The following PDE4D variants were observed in gnomAD, a reference collection of about 807,000 sequenced individuals.
PDE4D encodes the protein phosphodiesterase 4D, also known as 3',5'-cyclic-AMP phosphodiesterase 4D.
PDE4D carries 24 observed loss-of-function variants against 87.4 expected under a neutral mutation model. That is an observed-to-expected ratio of 0.27 (90% CI 0.20 to 0.39). PDE4D has a LOEUF of 0.39. Ranked by LOEUF, PDE4D falls within the 10% of genes least tolerant of loss-of-function variation. The probability of loss-of-function intolerance (pLI) is 1.00; values close to 1 mark genes in which losing one functional copy is unlikely to be tolerated. For missense variants in PDE4D, 714 were observed against 1,041.0 expected, an observed-to-expected ratio of 0.69 and a Z score of 4.32; for synonymous variants, 384 against 383.2, an observed-to-expected ratio of 1.00 and a Z score of -0.02.
At chr5:60,231,619 C>G (rs192236813) in intron 1 of PDE4D, among the ~76,000 whole-genome samples, 155 of 151,984 alleles carry the variant, frequency 1.0e-3, no homozygotes, top group African/African-American at 3.6e-3. Flanking sequence ...ACGGGAACAT[C>G]TCAAAGAGAC....
At chr5:59,471,509 A>G (rs1802440006) in intron 1 of PDE4D, among the ~76,000 whole-genome samples, 1 of 152,254 alleles carries the variant, frequency 6.6e-6, no homozygotes, top group Non-Finnish European at 1.5e-5. Context: ...AAAATGGGGT[A>G]AAGATAAACT....
intron 1 of PDE4D, among the ~76,000 whole-genome samples, chr5:60,503,296 A>G (rs1750179675): frequency 6.6e-6 from 1 of 152,180 alleles, no homozygotes. Context: ...AATATCCTAG[A>G]GTATTCTGTC....
intron 1 of PDE4D, among the ~76,000 whole-genome samples, chr5:59,233,670 C>G (rs1271383768): frequency 6.6e-6 from 1 of 152,148 alleles, no homozygotes; most frequent in Non-Finnish European, 1.5e-5. Flanking sequence ...GTATAGCACT[C>G]TCCTCAAATT....
At chr5:60,278,379 G>A (rs1283822408) in intron 1 of PDE4D, among the ~76,000 whole-genome samples, 1 of 152,058 alleles carries the variant, frequency 6.6e-6, no homozygotes, top group African/African-American at 2.4e-5. Flanking sequence ...ATTATGAAAT[G>A]GTATGAATTT....
chr5:59,774,689 C>CTTTTTTTTT (rs71604800), intron 1 of PDE4D, among the ~76,000 whole-genome samples: 8 of 132,404 alleles, frequency 6.0e-5, no homozygotes, highest in African/African-American at 2.2e-4. Flanking sequence ...TTTCTTTTTT[C>CTTTTTTTTT]TTTTTTTTTT....
At chr5:60,191,525 T>G (rs1313613593) in intron 1 of PDE4D, among the ~76,000 whole-genome samples, 1 of 152,122 alleles carries the variant, frequency 6.6e-6, no homozygotes, top group Non-Finnish European at 1.5e-5. Flanking sequence ...TCAACATGAT[T>G]GTAAGTTTCC....
chr5:59,628,626 G>C lies in PDE4D; in HGVS notation c.455+264542C>G, dbSNP rs189333905. Among the ~76,000 whole-genome samples, 489 of 152,186 alleles carry C rather than the reference G, an allele frequency of 3.2e-3. 2 individuals carry two copies. Among genetic ancestry groups the C allele is most frequent in the Non-Finnish European group, 6.0e-3 (410 of 68,012 alleles). Reference sequence around the variant, plus strand: ...TACCAGGCACTGTTCTCCAAGCCCAGAATAGAACAACCTCCAAGACAAGTA... The same window carrying C: ...TACCAGGCACTGTTCTCCAAGCCCACAATAGAACAACCTCCAAGACAAGTA... On this transcript the variant is annotated intron_variant, in intron 1 of 14. Coordinates refer to ENST00000340635, the MANE Select transcript of PDE4D (RefSeq NM_001104631.2).
chr5:59,151,757 G>A (rs1779510812), intron 5 of PDE4D, among the ~76,000 whole-genome samples: 1 of 152,176 alleles, frequency 6.6e-6, no homozygotes, highest in African/African-American at 2.4e-5. Context: ...GACAGAGTTG[G>A]ACTGGGTGAT....
chr5:59,926,256 G>A (rs1042316123), intron 3 of PDE4D, among the ~76,000 whole-genome samples: 4 of 152,202 alleles, frequency 2.6e-5, no homozygotes, highest in East Asian at 3.9e-4. Flanking sequence ...ATATGCTCCT[G>A]AATGAGCAGT....
At chr5:59,880,209 G>A (rs910422844) in intron 1 of PDE4D, among the ~76,000 whole-genome samples, 1 of 151,774 alleles carries the variant, frequency 6.6e-6, no homozygotes, top group African/African-American at 2.4e-5. Flanking sequence ...GGGCTCAAGC[G>A]ATCCTCCTAC....
At chr5:60,237,408 T>C (rs1313594814) in intron 1 of PDE4D, among the ~76,000 whole-genome samples, 3 of 152,030 alleles carry the variant, frequency 2.0e-5, no homozygotes, top group African/African-American at 7.2e-5. Flanking sequence ...ATCCATATCA[T>C]GGAATACTAC....
intron 1 of PDE4D, among the ~76,000 whole-genome samples, chr5:60,365,673 C>T (rs1258488143): frequency 6.6e-6 from 1 of 152,210 alleles, no homozygotes; most frequent in African/African-American, 2.4e-5. Context: ...GCTGAGATTA[C>T]AACATTTCTT....
At chr5:59,219,263 A>C (rs552152828) in intron 1 of PDE4D, among the ~76,000 whole-genome samples, 2 of 152,042 alleles carry the variant, frequency 1.3e-5, no homozygotes, top group Admixed American at 1.3e-4. Context: ...CAAATCACTG[A>C]GTACTTATTG....
intron 1 of PDE4D, among the ~76,000 whole-genome samples, chr5:60,448,038 G>T (rs992946902): frequency 6.6e-6 from 1 of 152,002 alleles, no homozygotes; most frequent in African/African-American, 2.4e-5. Context: ...AAACTTGCTT[G>T]AATCTATTTT....
chr5:59,326,010 C>T (rs897123292), intron 1 of PDE4D, among the ~76,000 whole-genome samples: 3 of 151,994 alleles, frequency 2.0e-5, no homozygotes, highest in East Asian at 1.9e-4. Flanking sequence ...AGCAAACTAT[C>T]GCAAGGACAG....
chr5:59,931,374 A>G (rs1426290492), intron 3 of PDE4D, among the ~76,000 whole-genome samples: 3 of 152,200 alleles, frequency 2.0e-5, no homozygotes, highest in Non-Finnish European at 4.4e-5. Flanking sequence ...TGCCTAGTCC[A>G]TTTTCTGTTG....
In PDE4D at chr5:59,878,371, C is replaced by G. The variant is rs537052720; in HGVS notation, c.455+14797G>C. Reference sequence around the variant, plus strand: ...CTTACCCAATATTTCAAACTTTCCCCCACTCAAACAAGCTAAAAATTACAA... The same window carrying G: ...CTTACCCAATATTTCAAACTTTCCCGCACTCAAACAAGCTAAAAATTACAA... On this transcript the variant is annotated intron_variant, in intron 1 of 14. Transcript: ENST00000340635. 2.0e-3 allele frequency among the ~76,000 whole-genome samples: 306 copies of G among 152,262 alleles called. 1 individual carries two copies. The highest frequency in any genetic ancestry group is 7.1e-3 in the African/African-American group (295 of 41,546).
intron 1 of PDE4D, among the ~76,000 whole-genome samples, chr5:59,292,333 A>G (rs1441568762): frequency 6.6e-6 from 1 of 151,764 alleles, no homozygotes; most frequent in Non-Finnish European, 1.5e-5. Flanking sequence ...AGCTATTTTT[A>G]AAATAACAAT....
At chr5:60,366,718 C>T (rs1198362126) in intron 1 of PDE4D, among the ~76,000 whole-genome samples, 1 of 152,212 alleles carries the variant, frequency 6.6e-6, no homozygotes, top group Non-Finnish European at 1.5e-5. Flanking sequence ...ACTTACTCAC[C>T]CCCTGCAGCC....
Sources: gnomAD v4.1 joint callset for allele counts (sites outside exome capture counted in the v4.1 genomes callset) on GRCh38, gnomAD v4.1.1 for gene constraint, MANE v1.5 for transcripts, NCBI Gene and HGNC (gene_info 2026-07-23, HGNC 2026-07-21) for gene names.